Variants in MACROD2 observed in about 807,000 individuals in gnomAD.
MACROD2 encodes mono-ADP ribosylhydrolase 2, also known as ADP-ribose glycohydrolase MACROD2.
MACROD2 carries 36 observed loss-of-function variants against 70.4 expected under a neutral mutation model. The ratio of observed to expected loss-of-function variants is 0.51; its 90% CI spans 0.39 to 0.68. The LOEUF is 0.68. MACROD2 is among the 30% of genes least tolerant of loss of function. MACROD2 has a pLI of 0.00. For missense variants in MACROD2, 496 were observed against 538.4 expected (o/e 0.92, Z 0.78); for synonymous variants, 172 against 178.8 (o/e 0.96, Z 0.30).
At chr20:15,444,641 G>A (rs2046538201) in intron 7 of MACROD2, among the ~76,000 whole-genome samples, 1 of 152,090 alleles carries the variant, frequency 6.6e-6, no homozygotes, top group Non-Finnish European at 1.5e-5. Flanking sequence ...AGGAGAGCAT[G>A]TATCAAAGTG....
intron 8 of MACROD2, among the ~76,000 whole-genome samples, chr20:15,797,942 T>A (rs1433039519): frequency 6.6e-6 from 1 of 152,208 alleles, no homozygotes; most frequent in Non-Finnish European, 1.5e-5. Flanking sequence ...AGTCACAGAC[T>A]TTTTCTGTAA....
rs533041188 is a variant in MACROD2 at position 15,899,026 on chromosome 20, GTA to G, written c.775+13223_775+13224del. ...GGTATGTGCTATCTATTGTATGTAT[GTA>G]TATATATGTACACATGTATGTATAT... On this transcript the variant is annotated intron_variant, in intron 10 of 17. Coordinates refer to ENST00000684519, the MANE Select transcript of MACROD2 (RefSeq NM_001351661.2). Among the ~76,000 whole-genome samples the G allele has an allele frequency of 4.3e-4, 65 of 151,584 alleles. No individual in the cohort carries two copies. In the South Asian group the frequency reaches 0.011, roughly 27 times the overall value.
At chr20:14,035,880 C>T (rs1452840909) in intron 2 of MACROD2, among the ~76,000 whole-genome samples, 4 of 152,210 alleles carry the variant, frequency 2.6e-5, no homozygotes, top group East Asian at 1.9e-4. Flanking sequence ...CGGTGGCTGA[C>T]GCCTGTAATC....
rs6110619 is a variant in MACROD2 at position 15,472,440 on chromosome 20, G to C, written c.572-27334G>C. 7.0e-3 allele frequency among the ~76,000 whole-genome samples: 1,071 copies of C among 152,082 alleles called. 18 individuals are homozygous for C. The highest frequency in any genetic ancestry group is 0.025 in the African/African-American group (1,035 of 41,442). ...TTGACTTTTCAAGTGAATTCAGTTT[G>C]GACATCTCCTTCATTTGTTTCACTG... On this transcript the variant is annotated intron_variant, in intron 7 of 17. Transcript: ENST00000684519.
At chr20:15,512,166 G>T (rs2047508531) in intron 8 of MACROD2, among the ~76,000 whole-genome samples, 1 of 152,190 alleles carries the variant, frequency 6.6e-6, no homozygotes, top group Admixed American at 6.5e-5. Flanking sequence ...TAGTCCTGGG[G>T]TGGCCACAGC....
intron 3 of MACROD2, among the ~76,000 whole-genome samples, chr20:14,486,457 G>A (rs1165202250): frequency 6.7e-6 from 1 of 150,076 alleles, no homozygotes; most frequent in Non-Finnish European, 1.5e-5. Flanking sequence ...ACAAGGGCAA[G>A]TATAGAGAAT....
At position 16,044,639 on chromosome 20, in the gene MACROD2, G is replaced by A. The variant is rs1289250252; in HGVS notation, c.1300G>A (p.Ala434Thr). The part of the protein sequence containing the change: ...TESQQEDQLI[A>T]GAQDEAKEQR... ...GAGTCAACAAGAAGATCAACTAATAGGTAAGATGCCCCTTGTGGTGAGATT... is the reference window on the plus strand; with the variant it reads ...GAGTCAACAAGAAGATCAACTAATAAGTAAGATGCCCCTTGTGGTGAGATT... The change falls in exon 17 of 18, where the codon GCA becomes ACA. Residue 434 changes from alanine (A) to threonine (T), a missense_variant and splice_region_variant. Physicochemically the swap from Ala to Thr is moderately conservative, Grantham distance 58 (BLOSUM62 0). Coordinates refer to ENST00000684519, the MANE Select transcript of MACROD2 (RefSeq NM_001351661.2). 1.2e-6 allele frequency: 2 copies of A among 1,610,864 alleles called. No homozygotes were observed. Among genetic ancestry groups the A allele is most frequent in the Admixed American group, 1.7e-5 (1 of 59,852 alleles).
intron 3 of MACROD2, among the ~76,000 whole-genome samples, chr20:14,155,594 T>G (rs2055091865): frequency 6.6e-6 from 1 of 152,194 alleles, no homozygotes; most frequent in Non-Finnish European, 1.5e-5. Context: ...TTAGTCTGGC[T>G]TTATTTAAAC....
intron 7 of MACROD2, among the ~76,000 whole-genome samples, chr20:15,450,105 C>G (rs1015458388): frequency 5.9e-5 from 9 of 152,036 alleles, no homozygotes; most frequent in Non-Finnish European, 1.3e-4. Context: ...ACATAGATAT[C>G]ACACATATAT....
chr20:14,386,610 CTCTT>C (rs2083470391), intron 3 of MACROD2, among the ~76,000 whole-genome samples: 1 of 150,986 alleles, frequency 6.6e-6, no homozygotes. Flanking sequence ...TTCTCTCTCT[CTCTT>C]GCTCGCTTCT....
At chr20:14,114,609 G>A (rs759287850) in intron 3 of MACROD2, among the ~76,000 whole-genome samples, 8 of 152,004 alleles carry the variant, frequency 5.3e-5, no homozygotes, top group Non-Finnish European at 1.2e-4. Context: ...GAAGATTGAG[G>A]AAGGTGGTAA....
intron 6 of MACROD2, among the ~76,000 whole-genome samples, chr20:15,380,219 T>A (rs2045624349): frequency 6.6e-6 from 1 of 152,122 alleles, no homozygotes; most frequent in Non-Finnish European, 1.5e-5. Context: ...ACAATCTGAG[T>A]GATAGATGTC....
chr20:15,364,307 A>G (rs2045373982), intron 6 of MACROD2, among the ~76,000 whole-genome samples: 1 of 152,162 alleles, frequency 6.6e-6, no homozygotes, highest in Non-Finnish European at 1.5e-5. Context: ...CCTTGTGTGT[A>G]TTGGCCATCT....
intron 13 of MACROD2, among the ~76,000 whole-genome samples, chr20:15,968,865 A>G (rs1469453398): frequency 6.8e-6 from 1 of 147,480 alleles, no homozygotes; most frequent in African/African-American, 2.5e-5. Flanking sequence ...GGAGAGAGAG[A>G]GAGAGACTGT....
At chr20:15,402,240 T>TC (rs2045940223) in intron 6 of MACROD2, among the ~76,000 whole-genome samples, 1 of 152,170 alleles carries the variant, frequency 6.6e-6, no homozygotes, top group Non-Finnish European at 1.5e-5. Context: ...TAGATACTCA[T>TC]CCTTGGAACC....
chr20:15,206,721 G>GTTGTTTTTTTTTTTTTT (rs2076707122), intron 5 of MACROD2, among the ~76,000 whole-genome samples: 1 of 32,990 alleles, frequency 3.0e-5, no homozygotes, highest in African/African-American at 1.5e-4. Context: ...TATTATCTAT[G>GTTGTTTTTTTTTTTTTT]TTTTTTTTTT....
intron 13 of MACROD2, among the ~76,000 whole-genome samples, chr20:15,969,056 C>T (rs1462086366): frequency 6.6e-6 from 1 of 151,872 alleles, no homozygotes; most frequent in African/African-American, 2.4e-5. Context: ...CCGATAAACT[C>T]TCTGTTTTGG....
chr20:15,042,701 G>A (rs1331581785), intron 5 of MACROD2, among the ~76,000 whole-genome samples: 1 of 152,268 alleles, frequency 6.6e-6, no homozygotes, highest in South Asian at 2.1e-4. Context: ...ATCAGCAGAA[G>A]CTCAGCGTGC....
intron 5 of MACROD2, among the ~76,000 whole-genome samples, chr20:15,035,099 A>G (rs565830900): frequency 6.6e-6 from 1 of 152,280 alleles, no homozygotes; most frequent in African/African-American, 2.4e-5. Context: ...TATTATTTAA[A>G]AAGTGGTACC....
Sources: gnomAD v4.1 joint callset for allele counts (sites outside exome capture counted in the v4.1 genomes callset) on GRCh38, gnomAD v4.1.1 for gene constraint, MANE v1.5 for transcripts, NCBI Gene and HGNC (gene_info 2026-07-23, HGNC 2026-07-21) for gene names.